Variants in ZMIZ1 observed in about 807,000 individuals in gnomAD.
ZMIZ1 encodes zinc finger MIZ-type containing 1, also known as zinc finger MIZ domain-containing protein 1.
In ZMIZ1, 17 loss-of-function variants were observed where a neutral mutation model predicts 113.9. The ratio of observed to expected loss-of-function variants is 0.15; its 90% confidence interval spans 0.10 to 0.22. The LOEUF is 0.22. ZMIZ1 is among the 10% of genes least tolerant of loss of function. ZMIZ1 has a pLI of 1.00. For synonymous variants in ZMIZ1, 607 were observed against 603.1 expected (o/e 1.01, Z -0.09); for missense variants, 1,059 against 1,477.8 (o/e 0.72, Z 4.65).
At chr10:79,151,228 CT>C (rs1845700389) in intron 3 of ZMIZ1, among the ~76,000 whole-genome samples, 1 of 152,184 alleles carries the variant, frequency 6.6e-6, no homozygotes, top group African/African-American at 2.4e-5. Flanking sequence ...GGACACATTG[CT>C]GCTCTGAGCC....
At chr10:79,251,576 A>G (rs1193717866) in intron 7 of ZMIZ1, among the ~76,000 whole-genome samples, 1 of 152,116 alleles carries the variant, frequency 6.6e-6, no homozygotes, top group African/African-American at 2.4e-5. Context: ...TGAGCCCCGA[A>G]CTGGTAGAAC....
At chr10:79,082,977 A>C (rs977248481) in intron 1 of ZMIZ1, among the ~76,000 whole-genome samples, 5 of 152,116 alleles carry the variant, frequency 3.3e-5, no homozygotes, top group Non-Finnish European at 7.4e-5. Flanking sequence ...AGGAAGGTGG[A>C]TTCATGTATT....
intron 7 of ZMIZ1, among the ~76,000 whole-genome samples, chr10:79,253,589 G>A (rs1850685570): frequency 6.6e-6 from 1 of 152,172 alleles, no homozygotes; most frequent in Non-Finnish European, 1.5e-5. Flanking sequence ...AGGGAGTGTG[G>A]GGGACTGGTG....
intron 4 of ZMIZ1, among the ~76,000 whole-genome samples, chr10:79,187,681 T>C (rs697239): frequency 0.43 from 65,031 of 152,114 alleles, 14,118 homozygotes; most frequent in Non-Finnish European, 0.46. Flanking sequence ...CAGTGCAGTA[T>C]GCATGCTGGC....
intron 3 of ZMIZ1, among the ~76,000 whole-genome samples, chr10:79,154,015 C>T (rs1313439327): frequency 3.3e-5 from 5 of 152,172 alleles, no homozygotes; most frequent in East Asian, 3.9e-4. Context: ...TGTGTGCCAC[C>T]GACAGTGCCT....
intron 2 of ZMIZ1, among the ~76,000 whole-genome samples, chr10:79,122,794 C>A (rs934113190): frequency 5.9e-5 from 9 of 152,180 alleles, no homozygotes; most frequent in Non-Finnish European, 1.3e-4. Context: ...TGAGGTCAGA[C>A]CCACATCGGG....
intron 7 of ZMIZ1, among the ~76,000 whole-genome samples, chr10:79,272,358 A>C (rs1477396211): frequency 6.6e-6 from 1 of 152,236 alleles, no homozygotes. Flanking sequence ...ACCGAAGCCC[A>C]GAGAGATTGT....
At chr10:79,133,107 A>G (rs892870060) in intron 2 of ZMIZ1, among the ~76,000 whole-genome samples, 9 of 152,178 alleles carry the variant, frequency 5.9e-5, no homozygotes, top group African/African-American at 2.2e-4. Context: ...ATAGCATCCA[A>G]GACCCTGCTT....
intron 4 of ZMIZ1, among the ~76,000 whole-genome samples, chr10:79,191,824 T>C (rs1345795902): frequency 2.0e-5 from 3 of 152,262 alleles, no homozygotes; most frequent in Admixed American, 2.0e-4. Flanking sequence ...AGGCTCAGTT[T>C]CTTCATCTGT....
chr10:79,219,470 G>A (rs1350694837), intron 7 of ZMIZ1, among the ~76,000 whole-genome samples: 1 of 152,204 alleles, frequency 6.6e-6, no homozygotes, highest in Non-Finnish European at 1.5e-5. Flanking sequence ...ACCTGAACTA[G>A]CCTCCTGGCT....
chr10:79,082,973 G>A (rs956036610), intron 1 of ZMIZ1, among the ~76,000 whole-genome samples: 1 of 152,176 alleles, frequency 6.6e-6, no homozygotes, highest in Admixed American at 6.5e-5. Context: ...CCCAAGGAAG[G>A]TGGATTCATG....
intron 3 of ZMIZ1, among the ~76,000 whole-genome samples, chr10:79,160,359 G>A (rs1846061961): frequency 6.6e-6 from 1 of 152,236 alleles, no homozygotes. Context: ...CAGGATCTTG[G>A]GGTGTAGGGT....
At chr10:79,120,029 G>A (rs1183390368) in intron 2 of ZMIZ1, among the ~76,000 whole-genome samples, 1 of 152,232 alleles carries the variant, frequency 6.6e-6, no homozygotes. Context: ...TAACAGTGGC[G>A]TGGAGAGGGT....
At chr10:79,272,941 C>A (rs1186968290) in intron 7 of ZMIZ1, among the ~76,000 whole-genome samples, 1 of 152,184 alleles carries the variant, frequency 6.6e-6, no homozygotes, top group Non-Finnish European at 1.5e-5. Flanking sequence ...CCAAGGTCCT[C>A]GGCACCAGCC....
chr10:79,122,818 A>T (rs1405556857), intron 2 of ZMIZ1, among the ~76,000 whole-genome samples: 1 of 152,118 alleles, frequency 6.6e-6, no homozygotes, highest in East Asian at 1.9e-4. Flanking sequence ...GGGTGTAGAC[A>T]GTGGCAGCAG....
rs1239182909 is a variant in ZMIZ1, at chr10:79,314,459, C to T, written c.*1710C>T. On this transcript the variant is annotated 3_prime_UTR_variant, in exon 25 of 25. Coordinates refer to ENST00000334512, the MANE Select transcript of ZMIZ1 (RefSeq NM_020338.4). ...CACAAGGTTTTCTGTAGGAAAGCTG[C>T]CATTGCCCCGGCCCCTTTTCTTCCT... 5 of 344,698 alleles carry T rather than the reference C, an allele frequency of 1.5e-5. No homozygotes were observed. The highest frequency in any genetic ancestry group is 2.9e-5 in the Non-Finnish European group (5 of 174,094). The allele number at this position is 344,698 out of a possible 1,614,324, so 21.4% of individuals were successfully genotyped here.
At chr10:79,082,050 C>T (rs1010816938) in intron 1 of ZMIZ1, among the ~76,000 whole-genome samples, 2 of 152,260 alleles carry the variant, frequency 1.3e-5, no homozygotes, top group Admixed American at 1.3e-4. Flanking sequence ...CCAGCCCTGC[C>T]TGTTACTCCA....
intron 6 of ZMIZ1, among the ~76,000 whole-genome samples, chr10:79,213,766 A>C (rs1354015031): frequency 6.6e-6 from 1 of 152,212 alleles, no homozygotes; most frequent in African/African-American, 2.4e-5. Flanking sequence ...GTTTTCAGCT[A>C]GACTGCCTGG....
chr10:79,081,131 A>G (rs1384042083), intron 1 of ZMIZ1, among the ~76,000 whole-genome samples: 1 of 152,076 alleles, frequency 6.6e-6, no homozygotes, highest in Non-Finnish European at 1.5e-5. Context: ...CATCGTATGG[A>G]GCCCAGAAGG....
Sources: gnomAD v4.1 joint callset for allele counts (sites outside exome capture counted in the v4.1 genomes callset) on GRCh38, gnomAD v4.1.1 for gene constraint, MANE v1.5 for transcripts, NCBI Gene and HGNC (gene_info 2026-07-23, HGNC 2026-07-21) for gene names.